Variants in PARD6G observed in about 807,000 individuals in gnomAD.
PARD6G encodes the protein partitioning defective 6 homolog gamma.
In PARD6G, 7 loss-of-function variants were observed where a neutral mutation model predicts 10.7. That is an observed-to-expected ratio of 0.66 (90% CI 0.37 to 1.23). The LOEUF is 1.23. Ranked by LOEUF, PARD6G falls within the 50% of genes most tolerant of loss-of-function variation. The probability of loss-of-function intolerance (pLI) is 0.02; values close to 1 mark genes in which losing one functional copy is unlikely to be tolerated. For synonymous variants in PARD6G, 287 were observed against 269.4 expected (o/e 1.07, Z -0.64); for missense variants, 548 against 571.8 (o/e 0.96, Z 0.42).
chr18:80,202,018 C>T (rs943066715), intron 2 of PARD6G: 1 of 152,364 alleles, frequency 6.6e-6, no homozygotes, highest in Non-Finnish European at 1.5e-5. Context: ...GTGTTCACCA[C>T]CTGCACCGTG....
intron 2 of PARD6G, among the ~76,000 whole-genome samples, chr18:80,176,547 G>C (rs572068560): frequency 2.0e-5 from 3 of 152,308 alleles, no homozygotes; most frequent in East Asian, 1.9e-4. Context: ...TCAGCCTCAA[G>C]AGAAAGGCAG....
intron 2 of PARD6G, among the ~76,000 whole-genome samples, chr18:80,194,879 G>C (rs1966936521): frequency 6.6e-6 from 1 of 152,196 alleles, no homozygotes; most frequent in African/African-American, 2.4e-5. Flanking sequence ...GCCCCTCCGA[G>C]GGGATGGCTG....
intron 1 of PARD6G, among the ~76,000 whole-genome samples, chr18:80,225,894 C>T (rs182949710): frequency 1.1e-4 from 17 of 152,158 alleles, no homozygotes; most frequent in Middle Eastern, 3.4e-3. Flanking sequence ...ATCTCTGGGC[C>T]GGCTCACGAG....
chr18:80,202,857 C>T lies in PARD6G; in HGVS notation c.148G>A (p.Val50Met). 1 of 1,610,384 alleles carries T rather than the reference C, an allele frequency of 6.2e-7. No individual in the cohort carries two copies. Among genetic ancestry groups the T allele is most frequent in the Non-Finnish European group, 8.5e-7 (1 of 1,179,152 alleles). The change falls in exon 2 of 3, where the codon GTG becomes ATG. Residue 50 changes from valine (V) to methionine (M), a missense_variant. By Grantham distance (21) the Val-to-Met change is conservative. Transcript: ENST00000353265. ...CTGTTGGAGATATGGTGGGTGTGCA[C>T]AACCAGCTTGTAGAAATCTTCAAAC... ...GKFEDFYKLV[V>M]HTHHISNSDV...
rs375332077 is a variant in PARD6G, at chr18:80,168,978, C to T, written c.296-8372G>A. ...TATTAAAACTATCCTGACTCTCTGG[C>T]GAGGAAGGGTGGGAACTGCTGAAGG... On this transcript the variant is annotated intron_variant, in intron 2 of 2. Coordinates refer to ENST00000353265, the MANE Select transcript of PARD6G (RefSeq NM_032510.4). The T allele has an allele frequency of 1.5e-4, 26 of 169,318 alleles. No homozygotes were observed. The Middle Eastern group carries it at 2.6e-3, about 17-fold the overall frequency. The allele number at this position is 169,318 out of a possible 1,614,324, so 10.5% of individuals were successfully genotyped here. A position where few individuals can be genotyped will look rare whatever the true frequency, so the allele number is the denominator to read the frequency against.
intron 2 of PARD6G, among the ~76,000 whole-genome samples, chr18:80,177,779 A>T (rs952832893): frequency 6.6e-6 from 1 of 151,980 alleles, no homozygotes; most frequent in Non-Finnish European, 1.5e-5. Context: ...GAGATAAATC[A>T]ATGCCCAAAT....
Position 80,246,641 on chromosome 18 carries a change from T to C in PARD6G, c.72+636A>G, listed in dbSNP as rs955829251. On this transcript the variant is annotated intron_variant, in intron 1 of 2. Transcript: ENST00000353265. The surrounding 1 kb of genome is among the most constrained non-coding windows in gnomAD (Gnocchi z 6.7). Reference sequence around the variant, plus strand: ...TGGGGGCGCGCCCGTGGGGGTGGGGTGGGGTGTCTGGCCCGGGGACGCGCC... The same window carrying C: ...TGGGGGCGCGCCCGTGGGGGTGGGGCGGGGTGTCTGGCCCGGGGACGCGCC... 1.6e-4 allele frequency among the ~76,000 whole-genome samples: 3 copies of C among 19,138 alleles called. No homozygotes were observed. The highest frequency in any genetic ancestry group is 0.016 in the Middle Eastern group (1 of 62). 12.6% of individuals were successfully genotyped at this position (19,138 alleles called of 152,430 possible).
Position 80,159,564 on chromosome 18 carries a change from T to G in PARD6G, c.*207A>C. On this transcript the variant is annotated 3_prime_UTR_variant, in exon 3 of 3. Coordinates refer to ENST00000353265, the MANE Select transcript of PARD6G (RefSeq NM_032510.4). The stretch of plus-strand genomic sequence containing the variant: ...ACCTGCACTCAGGCCTGGTATAGAG[T>G]GTCTCTACAGGCGTTCATTTTAAGT... The G allele has an allele frequency of 1.4e-6, 1 of 715,816 alleles. No homozygotes were observed. The highest frequency in any genetic ancestry group is 2.0e-6 in the Non-Finnish European group (1 of 511,902). The allele number at this position is 715,816 out of a possible 1,614,324, so 44.3% of individuals were successfully genotyped here.
In PARD6G at chr18:80,182,391, G is replaced by A. The variant is rs1300337567; in HGVS notation, c.295+20319C>T. Among the ~76,000 whole-genome samples the A allele has an allele frequency of 1.3e-5, 2 of 152,232 alleles. No individual in the cohort carries two copies. The highest frequency in any genetic ancestry group is 2.9e-5 in the Non-Finnish European group (2 of 68,044). ...AGGGTGTGACAGGCCCTGAAGAACA[G>A]GTTCTGTGTCCACTTTAGATGCTGG... On this transcript the variant is annotated intron_variant, in intron 2 of 2. Coordinates refer to ENST00000353265, the MANE Select transcript of PARD6G (RefSeq NM_032510.4). This position sits in a 1 kb window ranked among gnomAD's most constrained non-coding sequence, Gnocchi z 4.5.
chr18:80,238,807 T>A (rs2145306897), intron 1 of PARD6G, among the ~76,000 whole-genome samples: 1 of 140,030 alleles, frequency 7.1e-6, no homozygotes, highest in Non-Finnish European at 1.5e-5. Flanking sequence ...AGGCTGAACT[T>A]CCACTGGCAA....
intron 2 of PARD6G, chr18:80,170,730 A>T (rs1236905850): frequency 6.6e-6 from 1 of 152,266 alleles, no homozygotes; most frequent in Non-Finnish European, 1.5e-5. Context: ...TGTTTTCTGG[A>T]ACTTTAAGCA....
At chr18:80,215,314 T>G (rs897063999) in intron 1 of PARD6G, among the ~76,000 whole-genome samples, 2 of 152,096 alleles carry the variant, frequency 1.3e-5, no homozygotes, top group Admixed American at 1.3e-4. Context: ...CAAGAAGAAA[T>G]AAAGAGCACT....
chr18:80,159,310 C>T lies in PARD6G; in HGVS notation c.*461G>A, dbSNP rs1324607708. On this transcript the variant is annotated 3_prime_UTR_variant, in exon 3 of 3. Transcript: ENST00000353265. ...GCTGCATTCGTTATTAAAAACCAGC[C>T]TCTTGTCACGTACATCAGCACAGTC... is the stretch of plus-strand genomic sequence containing the variant. The T allele has an allele frequency of 6.5e-6, 1 of 153,338 alleles. No homozygotes were observed. The highest frequency in any genetic ancestry group is 1.5e-5 in the Non-Finnish European group (1 of 68,598). The allele number at this position is 153,338 out of a possible 1,614,324, so 9.5% of individuals were successfully genotyped here.
At chr18:80,185,902 G>A (rs1249587061) in intron 2 of PARD6G, among the ~76,000 whole-genome samples, 3 of 102,266 alleles carry the variant, frequency 2.9e-5, no homozygotes, top group African/African-American at 7.8e-5. Flanking sequence ...CCTCACACAC[G>A]CACCCACACA....
At chr18:80,223,649 G>C (rs1232568789) in intron 1 of PARD6G, among the ~76,000 whole-genome samples, 2 of 152,210 alleles carry the variant, frequency 1.3e-5, no homozygotes, top group Non-Finnish European at 2.9e-5. Context: ...TTTGTAAACA[G>C]TCTGGGAGTT....
At chr18:80,227,070 C>A (rs529525417) in intron 1 of PARD6G, among the ~76,000 whole-genome samples, 46 of 152,148 alleles carry the variant, frequency 3.0e-4, no homozygotes, top group Non-Finnish European at 4.9e-4. Flanking sequence ...ATCCTCCCAC[C>A]GCAGCCTCTC....
intron 1 of PARD6G, among the ~76,000 whole-genome samples, chr18:80,212,032 T>C (rs985028138): frequency 6.6e-6 from 1 of 152,200 alleles, no homozygotes; most frequent in Non-Finnish European, 1.5e-5. Flanking sequence ...TCATTCAATG[T>C]TATTTCACTA....
At chr18:80,172,123 C>T (rs1443920475) in intron 2 of PARD6G, among the ~76,000 whole-genome samples, 2 of 152,236 alleles carry the variant, frequency 1.3e-5, no homozygotes, top group East Asian at 1.9e-4. Context: ...TTTTCTACAG[C>T]GGTTGAAACA....
chr18:80,169,002 G>A (rs527904674), intron 2 of PARD6G: 1 of 169,398 alleles, frequency 5.9e-6, no homozygotes, highest in South Asian at 2.0e-4. Flanking sequence ...AACTGCTGAA[G>A]GTGCCTCTTC....
Sources: allele counts gnomAD v4.1 joint callset (sites outside exome capture counted in the v4.1 genomes callset), GRCh38; gene constraint gnomAD v4.1.1; non-coding constraint Gnocchi (gnomAD v3.1); transcripts MANE v1.5; gene names NCBI Gene and HGNC (gene_info 2026-07-23, HGNC 2026-07-21).